SP100: variants seen among roughly 807,000 people sequenced by gnomAD.
SP100 encodes SP100 nuclear body protein, also known as nuclear autoantigen Sp-100.
Under a neutral mutation model 130.0 loss-of-function variants are expected in SP100, and 84 were observed. That is an observed-to-expected ratio of 0.65 (90% CI 0.54 to 0.77). SP100 has a LOEUF of 0.77. Among genes scored for constraint, SP100 ranks in the 30% least tolerant of loss-of-function variants. SP100 has a pLI of 0.00. For synonymous variants in SP100, 331 were observed against 351.7 expected (o/e 0.94, Z 0.66); for missense variants, 978 against 1,052.2 (o/e 0.93, Z 0.97).
At chr2:230,445,467 G>C (rs562103572) in intron 4 of SP100, among the ~76,000 whole-genome samples, 31 of 152,254 alleles carry the variant, frequency 2.0e-4, no homozygotes, top group African/African-American at 7.2e-4. Flanking sequence ...GAAAGGCCTG[G>C]AATTTAAAGT....
intron 2 of SP100, among the ~76,000 whole-genome samples, chr2:230,439,583 TG>T (rs571019670): frequency 1.3e-4 from 20 of 152,014 alleles, no homozygotes; most frequent in African/African-American, 4.1e-4. Context: ...TGTTTTGCTT[TG>T]TTTTTTTGGT....
intron 8 of SP100, among the ~76,000 whole-genome samples, chr2:230,453,367 A>G (rs2064112856): frequency 6.6e-6 from 1 of 152,198 alleles, no homozygotes. Flanking sequence ...CAGCAAGACC[A>G]TATCAGCATC....
At chr2:230,500,395 G>T (rs1026843942) in intron 19 of SP100, among the ~76,000 whole-genome samples, 2 of 152,188 alleles carry the variant, frequency 1.3e-5, no homozygotes, top group African/African-American at 4.8e-5. Flanking sequence ...GCCAAGAGCT[G>T]GGAAGCAGCG....
chr2:230,506,684 C>T, intron 22 of SP100: 1 of 396,464 alleles, frequency 2.5e-6, no homozygotes. Flanking sequence ...TAAATTGTGG[C>T]CTTGACTCTG....
At chr2:230,433,737 G>T (rs559257928) in intron 2 of SP100, among the ~76,000 whole-genome samples, 104 of 151,076 alleles carry the variant, frequency 6.9e-4, no homozygotes, top group Non-Finnish European at 1.4e-3. Flanking sequence ...TTATTATTTT[G>T]CCTACCTTTA....
chr2:230,515,003 C>T, intron 24 of SP100: 1 of 1,566,792 alleles, frequency 6.4e-7, no homozygotes, highest in Non-Finnish European at 8.6e-7. Context: ...CTGTACCTTG[C>T]TGAGGAAAAA....
chr2:230,504,275 G>C lies in SP100; in HGVS notation c.1855G>C (p.Glu619Gln). Residue 619 changes from glutamate to glutamine, a missense_variant, in exon 21 of 29, where the codon GAG becomes CAG. Glu to Gln is a conservative substitution (Grantham distance 29, BLOSUM62 2). Transcript: ENST00000340126. ...CGEVKGTLYKERFKQGTSKKC... is the reference protein window; with the variant it reads ...CGEVKGTLYKQRFKQGTSKKC... ...TGAGGTGAAGGGCACTCTATATAAG[G>C]AGCGATTCAAACAAGGTGAGTTTAC... 3.1e-6 allele frequency: 5 copies of C among 1,600,518 alleles called. No individual in the cohort carries two copies. The highest frequency in any genetic ancestry group is 4.3e-6 in the Non-Finnish European group (5 of 1,168,784).
At chr2:230,509,576 T>C (rs979007008) in intron 23 of SP100, 4 of 152,250 alleles carry the variant, frequency 2.6e-5, no homozygotes, top group Non-Finnish European at 4.4e-5. Context: ...CTCTCTCCAT[T>C]CCCTGAGGGC....
At chr2:230,521,093 C>T (rs965210888) in intron 24 of SP100, among the ~76,000 whole-genome samples, 1 of 152,190 alleles carries the variant, frequency 6.6e-6, no homozygotes, top group Non-Finnish European at 1.5e-5. Flanking sequence ...AATCTGGAAG[C>T]CTGTTTACTT....
In SP100 at chr2:230,502,561, T is replaced by A. The variant is rs141190444; in HGVS notation, c.1721-505T>A. On this transcript the variant is annotated intron_variant, in intron 19 of 28. Transcript: ENST00000340126. ...TGAAGTCGGTTAATAGAGGCAAAGA[T>A]CTAAGGATAGCTCCTGGCATACAAC... is the stretch of plus-strand genomic sequence containing the variant. Among the ~76,000 whole-genome samples the A allele has an allele frequency of 1.2e-4, 19 of 152,330 alleles. No homozygotes were observed. In the East Asian group the frequency reaches 2.9e-3, roughly 23 times the overall value.
chr2:230,424,927 A>G (rs1559480451), intron 2 of SP100, among the ~76,000 whole-genome samples: 1 of 152,182 alleles, frequency 6.6e-6, no homozygotes, highest in Non-Finnish European at 1.5e-5. Context: ...ACAATCCAGT[A>G]CTTTAGGAAC....
intron 27 of SP100, 60 bp downstream of exon 27, chr2:230,541,432 C>T (rs1692172034): frequency 2.8e-6 from 4 of 1,405,470 alleles, no homozygotes; most frequent in Admixed American, 3.4e-5. Context: ...TGATCTGAAT[C>T]CCATGGCACA....
At position 230,469,102 on chromosome 2, in the gene SP100, A is replaced by C; in HGVS notation, c.1345+6A>C. On this transcript the variant is annotated splice_donor_region_variant and intron_variant, in intron 14 of 28. Transcript: ENST00000340126. ...AATACCCAGCAGGAAGAGACGTAAG[A>C]GCAATTAAAAACTCTTGATGTAACA... The C allele has an allele frequency of 6.3e-7, 1 of 1,576,558 alleles. No individual in the cohort carries two copies. Among genetic ancestry groups the C allele is most frequent in the Non-Finnish European group, 8.7e-7 (1 of 1,148,686 alleles).
chr2:230,532,091 C>T (rs1691726377), intron 24 of SP100, among the ~76,000 whole-genome samples: 1 of 151,836 alleles, frequency 6.6e-6, no homozygotes, highest in East Asian at 1.9e-4. Context: ...TTCTCTATTT[C>T]TCTAAACTTC....
At chr2:230,439,206 AT>A (rs1270777047) in intron 2 of SP100, among the ~76,000 whole-genome samples, 4 of 151,766 alleles carry the variant, frequency 2.6e-5, no homozygotes, top group East Asian at 1.9e-4. Flanking sequence ...GATTATCTGA[AT>A]TTTTTCTTGC....
intron 17 of SP100, among the ~76,000 whole-genome samples, chr2:230,482,664 T>G (rs2065888072): frequency 6.6e-6 from 1 of 151,648 alleles, no homozygotes; most frequent in South Asian, 2.1e-4. Flanking sequence ...TGATGTGTAA[T>G]GTCACACATA....
At chr2:230,534,016 C>A (rs1575816156) in intron 24 of SP100, among the ~76,000 whole-genome samples, 2 of 152,080 alleles carry the variant, frequency 1.3e-5, no homozygotes, top group East Asian at 3.8e-4. Flanking sequence ...TTTTGAATAA[C>A]TACAGGGTGC....
chr2:230,464,174 C>G (rs372490223), intron 11 of SP100, 24 bp downstream of exon 11: 1 of 1,391,514 alleles, frequency 7.2e-7, no homozygotes, highest in Admixed American at 1.7e-5. Context: ...AGTTGCAACC[C>G]GAGACTGTAG....
chr2:230,419,685 C>A (rs2062714860), intron 2 of SP100, among the ~76,000 whole-genome samples: 1 of 152,150 alleles, frequency 6.6e-6, no homozygotes, highest in South Asian at 2.1e-4. Flanking sequence ...TATAGTTGAT[C>A]TACTTTATTA....
Sources: allele counts gnomAD v4.1 joint callset (sites outside exome capture counted in the v4.1 genomes callset), GRCh38; gene constraint gnomAD v4.1.1; transcripts MANE v1.5; gene names NCBI Gene and HGNC (gene_info 2026-07-23, HGNC 2026-07-21).